The following LGALS12 variants were observed in gnomAD, a reference collection of about 807,000 sequenced individuals.
The protein encoded by LGALS12 is galectin 12.
Under a neutral mutation model 36.8 loss-of-function variants are expected in LGALS12, and 36 were observed. The ratio of observed to expected loss-of-function variants is 0.98; its 90% confidence interval spans 0.75 to 1.29. The LOEUF (loss-of-function observed/expected upper bound fraction) is 1.29, where lower values mean the gene tolerates loss of function less well. Ranked by LOEUF, LGALS12 falls within the 50% of genes most tolerant of loss-of-function variation. LGALS12 has a pLI of 0.00. For missense variants in LGALS12, 366 were observed against 394.3 expected, an observed-to-expected ratio of 0.93 and a Z score of 0.61; for synonymous variants, 145 against 155.9, an observed-to-expected ratio of 0.93 and a Z score of 0.52.
At position 63,515,717 on chromosome 11, in the gene LGALS12, G is replaced by T. The variant is rs150634494; in HGVS notation, c.798+4G>T. The T allele has an allele frequency of 2.5e-6, 4 of 1,613,742 alleles. No individual in the cohort carries two copies. In the East Asian group the frequency reaches 8.9e-5, roughly 36 times the overall value. On this transcript the variant is annotated splice_donor_region_variant and intron_variant, in intron 8 of 8. Transcript: ENST00000394618. ...TTACCCCCAGAGATTCTTTGAGGTA[G>T]GTCAGAGCCAAATGATTACATCCCT...
chr11:63,508,372 A>G, intron 1 of LGALS12, 181 bp from the exon 2 acceptor site: 2 of 1,437,494 alleles, frequency 1.4e-6, no homozygotes, highest in South Asian at 1.5e-5. Flanking sequence ...GTGACGGTCC[A>G]GGAAAGGGGA....
At chr11:63,508,468 T>C in intron 1 of LGALS12, 85 bp from the exon 2 acceptor site, 2 of 1,562,300 alleles carry the variant, frequency 1.3e-6, no homozygotes, top group Non-Finnish European at 1.7e-6. Context: ...AGTTTTATTC[T>C]GCTCCTTTCC....
chr11:63,512,050 G>A (rs931539588), intron 7 of LGALS12, among the ~76,000 whole-genome samples: 5 of 152,226 alleles, frequency 3.3e-5, no homozygotes, highest in South Asian at 2.1e-4. Flanking sequence ...CCCACTGCTG[G>A]GAGCATCATT....
intron 7 of LGALS12, among the ~76,000 whole-genome samples, chr11:63,514,340 G>A (rs532550684): frequency 6.6e-6 from 1 of 152,200 alleles, no homozygotes; most frequent in Non-Finnish European, 1.5e-5. Context: ...GGGAGGCCAA[G>A]GTGGGCAGAT....
chr11:63,514,665 G>A (rs968452587), intron 7 of LGALS12, among the ~76,000 whole-genome samples: 1 of 151,934 alleles, frequency 6.6e-6, no homozygotes, highest in Non-Finnish European at 1.5e-5. Context: ...CTAGAGTCAT[G>A]AATCCTAGTT....
chr11:63,510,021 T>G, intron 4 of LGALS12, 124 bp downstream of exon 4: 1 of 1,183,452 alleles, frequency 8.4e-7, no homozygotes, highest in Non-Finnish European at 1.2e-6. Context: ...GCACCAGTAA[T>G]AGCCAAGGGG....
intron 5 of LGALS12, 103 bp from the exon 6 acceptor site, chr11:63,510,976 G>A (rs2016901219): frequency 4.1e-6 from 5 of 1,206,282 alleles, no homozygotes; most frequent in Non-Finnish European, 6.1e-6. Flanking sequence ...TGCTGTGAGA[G>A]AGACAAGCCC....
Position 63,508,578 on chromosome 11 carries a change from T to C in LGALS12, c.95T>C (p.Phe32Ser), listed in dbSNP as rs1590643416. The change falls in exon 2 of 9, where the codon TTT becomes TCT. Residue 32 changes from phenylalanine (F) to serine (S), a missense_variant. Coordinates refer to ENST00000394618, the MANE Select transcript of LGALS12 (RefSeq NM_033101.4). ...GTGGTTCCTTATGTCACGACGATTTTTGGAGGCCTGCATGCAGGCAAGATG... is the reference window on the plus strand; with the variant it reads ...GTGGTTCCTTATGTCACGACGATTTCTGGAGGCCTGCATGCAGGCAAGATG... ...HPVVPYVTTIFGGLHAGKMVM... is the reference protein window; with the variant it reads ...HPVVPYVTTISGGLHAGKMVM... 1 of 1,614,182 alleles carries C rather than the reference T, an allele frequency of 6.2e-7. No homozygotes were observed. Among genetic ancestry groups the C allele is most frequent in the Non-Finnish European group, 8.5e-7 (1 of 1,180,032 alleles).
intron 4 of LGALS12, among the ~76,000 whole-genome samples, chr11:63,510,186 G>A (rs1440502307): frequency 6.6e-6 from 1 of 152,184 alleles, no homozygotes; most frequent in South Asian, 2.1e-4. Context: ...TGGCACACTG[G>A]GGGCCGAAAC....
At chr11:63,514,067 A>G (rs1250128734) in intron 7 of LGALS12, among the ~76,000 whole-genome samples, 1 of 152,134 alleles carries the variant, frequency 6.6e-6, no homozygotes, top group Non-Finnish European at 1.5e-5. Flanking sequence ...CCTGCCTTCC[A>G]AGCTTCTTCC....
chr11:63,509,352 G>C (rs2016846255), intron 3 of LGALS12, among the ~76,000 whole-genome samples: 1 of 152,222 alleles, frequency 6.6e-6, no homozygotes. Flanking sequence ...ACAGTGGCAG[G>C]GGAGAGGGAC....
chr11:63,511,782 G>A lies in LGALS12; in HGVS notation c.589G>A (p.Gly197Ser), dbSNP rs1024681240. Residue 197 changes from glycine to serine, a missense_variant, in exon 7 of 9, where the codon GGT (glycine) becomes AGT (serine). Transcript: ENST00000394618. ...GCCCTGCTCACATGCTCTTCCCCAG[G>A]GTCTCTCGCCTGGGCAGGTCATCAT... ...EVPCSHALPQ[G>S]LSPGQVIIVR... 5.0e-6 allele frequency: 8 copies of A among 1,613,556 alleles called. No individual in the cohort carries two copies. Among genetic ancestry groups the A allele is most frequent in the Non-Finnish European group, 6.8e-6 (8 of 1,179,916 alleles).
chr11:63,514,621 G>A (rs752431303), intron 7 of LGALS12, among the ~76,000 whole-genome samples: 7 of 152,120 alleles, frequency 4.6e-5, no homozygotes, highest in Non-Finnish European at 1.0e-4. Flanking sequence ...TGCCCTATTT[G>A]AGAGGCAGGT....
At chr11:63,516,160 G>A in intron 8 of LGALS12, 87 bp from the exon 9 acceptor site, 2 of 1,471,622 alleles carry the variant, frequency 1.4e-6, no homozygotes, top group Non-Finnish European at 1.8e-6. Flanking sequence ...TCCTATGAGA[G>A]GAGGAGGGTC....
chr11:63,508,769 T>C lies in LGALS12; in HGVS notation c.159-9T>C. 1.2e-6 allele frequency: 2 copies of C among 1,614,160 alleles called. No homozygotes were observed. Among genetic ancestry groups the C allele is most frequent in the African/African-American group, 1.3e-5 (1 of 75,048 alleles). On this transcript the variant is annotated splice_polypyrimidine_tract_variant and intron_variant, in intron 2 of 8. Transcript: ENST00000394618. ...AGAACCGCACTTTGAGAGCCTCACC[T>C]CCCAGTAGGTTTCAGGTGGACTTCC...
intron 6 of LGALS12, among the ~76,000 whole-genome samples, chr11:63,511,334 C>G (rs528936589): frequency 6.6e-6 from 1 of 152,330 alleles, no homozygotes; most frequent in Admixed American, 6.5e-5. Context: ...CAGGCTGAAG[C>G]TCCAGCTTCA....
intron 7 of LGALS12, among the ~76,000 whole-genome samples, chr11:63,512,124 A>G (rs2016944483): frequency 6.6e-6 from 1 of 152,194 alleles, no homozygotes; most frequent in African/African-American, 2.4e-5. Context: ...GGCCCCAGGA[A>G]AGGCCCTTCG....
intron 7 of LGALS12, among the ~76,000 whole-genome samples, chr11:63,514,405 A>G (rs1331171507): frequency 1.3e-5 from 2 of 152,046 alleles, no homozygotes; most frequent in Non-Finnish European, 2.9e-5. Context: ...CCCCATCTCT[A>G]CTAAAAATAC....
chr11:63,513,976 A>G (rs1196463777), intron 7 of LGALS12, among the ~76,000 whole-genome samples: 2 of 152,188 alleles, frequency 1.3e-5, no homozygotes, highest in African/African-American at 4.8e-5. Context: ...GGCCAGAGGA[A>G]GACACAGTGT....
Sources: allele counts gnomAD v4.1 joint callset (sites outside exome capture counted in the v4.1 genomes callset), GRCh38; gene constraint gnomAD v4.1.1; transcripts MANE v1.5; gene names NCBI Gene and HGNC (gene_info 2026-07-23, HGNC 2026-07-21).